Variants in PPFIBP2 observed in about 807,000 individuals in gnomAD.
The protein encoded by PPFIBP2 is liprin-beta-2.
PPFIBP2 carries 118 observed loss-of-function variants against 118.3 expected under a neutral mutation model. That is an observed-to-expected ratio of 1.00 (90% CI 0.86 to 1.16). PPFIBP2 has a LOEUF of 1.16. Among genes scored for constraint, PPFIBP2 ranks in the 50% most tolerant of loss-of-function variants. The probability of loss-of-function intolerance (pLI) is 0.00; values close to 1 mark genes in which losing one functional copy is unlikely to be tolerated. For synonymous variants in PPFIBP2, 414 were observed against 397.4 expected, an observed-to-expected ratio of 1.04 and a Z score of -0.50; for missense variants, 1,195 against 1,073.1, an observed-to-expected ratio of 1.11 and a Z score of -1.59.
chr11:7,630,963 C>T lies in PPFIBP2; in HGVS notation c.1003C>T (p.Pro335Ser). 1 of 1,614,050 alleles carries T rather than the reference C, an allele frequency of 6.2e-7. No individual in the cohort carries two copies. Among genetic ancestry groups the T allele is most frequent in the Non-Finnish European group, 8.5e-7 (1 of 1,179,970 alleles). The change falls in exon 11 of 24, where the codon CCG becomes TCG. Residue 335 changes from proline (P) to serine (S), a missense_variant. Pro to Ser is a moderately conservative substitution (Grantham distance 74, BLOSUM62 -1). Transcript: ENST00000299492. ...ERTLSINEEEPEGGFSKWNAT... is the reference protein window; with the variant it reads ...ERTLSINEEESEGGFSKWNAT... ...AACTCTCTCAATCAATGAAGAAGAACCGGAGGGAGGTTTCAGCAAGTGGAA... is the reference window on the plus strand; with the variant it reads ...AACTCTCTCAATCAATGAAGAAGAATCGGAGGGAGGTTTCAGCAAGTGGAA...
intron 3 of PPFIBP2, among the ~76,000 whole-genome samples, chr11:7,573,290 G>A (rs1040627891): frequency 2.0e-5 from 3 of 152,154 alleles, no homozygotes; most frequent in Admixed American, 6.5e-5. Flanking sequence ...CTAACCCAGG[G>A]ATTAGCAAAC....
chr11:7,551,120 G>A (rs1034973047), intron 2 of PPFIBP2, among the ~76,000 whole-genome samples: 2 of 152,012 alleles, frequency 1.3e-5, no homozygotes, highest in Non-Finnish European at 2.9e-5. Context: ...CTAGGTTAGG[G>A]TCTCTGATGC....
chr11:7,613,197 G>A (rs1848269799), intron 6 of PPFIBP2, among the ~76,000 whole-genome samples: 1 of 152,160 alleles, frequency 6.6e-6, no homozygotes, highest in Non-Finnish European at 1.5e-5. Context: ...ATGAAAAGAA[G>A]AGAATGCTTG....
intron 11 of PPFIBP2, 47 bp from the exon 12 acceptor site, chr11:7,632,820 C>A: frequency 2.0e-6 from 3 of 1,483,700 alleles, no homozygotes; most frequent in South Asian, 2.3e-5. Flanking sequence ...GGTGGGTGGT[C>A]CCCAAACAGA....
chr11:7,553,755 T>C (rs1853263642), intron 2 of PPFIBP2, among the ~76,000 whole-genome samples: 1 of 152,226 alleles, frequency 6.6e-6, no homozygotes, highest in Admixed American at 6.5e-5. Flanking sequence ...GTTTTATTGA[T>C]ATTAGTATTA....
chr11:7,597,380 A>C (rs1179539109), intron 4 of PPFIBP2, 180 bp from the exon 5 acceptor site: 20 of 1,536,646 alleles, frequency 1.3e-5, no homozygotes, highest in Non-Finnish European at 1.7e-5. Flanking sequence ...TAAGGTAAGA[A>C]TCTAACTGCA....
At chr11:7,561,377 T>G (rs1389789404) in intron 2 of PPFIBP2, among the ~76,000 whole-genome samples, 1 of 152,206 alleles carries the variant, frequency 6.6e-6, no homozygotes, top group African/African-American at 2.4e-5. Flanking sequence ...ACAAGTAGGT[T>G]TTTCAGGCTA....
At chr11:7,659,124 G>A (rs1421107978), downstream of PPFIBP2, among the ~76,000 whole-genome samples, 1 of 148,934 alleles carries the variant, frequency 6.7e-6, no homozygotes, top group African/African-American at 2.5e-5. Flanking sequence ...GTTTCCTTTT[G>A]CTGTGCAGAA....
rs1418947180 is a variant in PPFIBP2, at chr11:7,612,532, CA to C, written c.618+2112del. Among the ~76,000 whole-genome samples, 64 of 152,268 alleles carry C rather than the reference CA, an allele frequency of 4.2e-4. 1 individual carries two copies. Among genetic ancestry groups the C allele is most frequent in the African/African-American group, 1.5e-3 (62 of 41,476 alleles). On this transcript the variant is annotated intron_variant, in intron 6 of 23. Transcript: ENST00000299492. ...GGAAGGAGAGCTCCCACTTCTGGGA[CA>C]AGAAGCACTAATGCAGTCATTTTAC...
chr11:7,662,787 A>C, the PPFIBP2 span, among the ~76,000 whole-genome samples: 1 of 151,818 alleles, frequency 6.6e-6, no homozygotes, highest in African/African-American at 2.4e-5. Flanking sequence ...AGGTCCACCA[A>C]TCAGACATAG....
chr11:7,616,990 A>C lies in PPFIBP2; in HGVS notation c.619-3945A>C, dbSNP rs1200357008. ...AAGTGGAGGGCCGTCGACAGTGACC[A>C]CTGAGTGCCACCTGCTCCCTGCCCC... On this transcript the variant is annotated intron_variant, in intron 6 of 23. Transcript: ENST00000299492. This position sits in a 1 kb window ranked among gnomAD's most constrained non-coding sequence, Gnocchi z 5.2. 2.7e-6 allele frequency: 1 copy of C among 366,296 alleles called. No homozygotes were observed. The highest frequency in any genetic ancestry group is 3.8e-6 in the Non-Finnish European group (1 of 264,302). The allele number at this position is 366,296 out of a possible 1,614,324, so 22.7% of individuals were successfully genotyped here. A position where few individuals can be genotyped will look rare whatever the true frequency, so the allele number is the denominator to read the frequency against.
intron 5 of PPFIBP2, among the ~76,000 whole-genome samples, chr11:7,605,458 C>G (rs1590534606): frequency 2.0e-5 from 3 of 152,298 alleles, no homozygotes; most frequent in Non-Finnish European, 1.5e-5. Context: ...GGAAGATCAG[C>G]TGTAATTAGA....
At chr11:7,654,413 A>T (rs981120520), downstream of PPFIBP2, among the ~76,000 whole-genome samples, 6 of 152,224 alleles carry the variant, frequency 3.9e-5, no homozygotes, top group African/African-American at 1.2e-4. Flanking sequence ...ATCGCAGAAG[A>T]GTAACACCAC....
At chr11:7,574,432 C>T (rs1161771764) in intron 3 of PPFIBP2, among the ~76,000 whole-genome samples, 1 of 152,348 alleles carries the variant, frequency 6.6e-6, no homozygotes, top group Admixed American at 6.5e-5. Flanking sequence ...TTGGGAGTAA[C>T]TACCTCGGCC....
At chr11:7,552,756 C>T (rs1367387685) in intron 2 of PPFIBP2, among the ~76,000 whole-genome samples, 1 of 151,932 alleles carries the variant, frequency 6.6e-6, no homozygotes, top group South Asian at 2.1e-4. Context: ...ATGAGCTTGC[C>T]CCCCCCTCTC....
intron 9 of PPFIBP2, among the ~76,000 whole-genome samples, chr11:7,629,001 C>T (rs1850395357): frequency 6.6e-6 from 1 of 152,138 alleles, no homozygotes; most frequent in Non-Finnish European, 1.5e-5. Context: ...AAGGCCTTTG[C>T]CTTGAAAGAA....
intron 1 of PPFIBP2, among the ~76,000 whole-genome samples, chr11:7,524,398 G>C (rs1158255496): frequency 6.6e-6 from 1 of 152,192 alleles, no homozygotes. Flanking sequence ...CATGGAGGCA[G>C]TGGAGGTGTA....
intron 2 of PPFIBP2, among the ~76,000 whole-genome samples, chr11:7,556,100 CATATA>C (rs1853583207): frequency 6.6e-6 from 1 of 152,104 alleles, no homozygotes; most frequent in East Asian, 1.9e-4. Context: ...ATAGAATTAA[CATATA>C]AAAGCATTTG....
the PPFIBP2 span, chr11:7,666,482 G>T: frequency 1.2e-6 from 2 of 1,613,122 alleles, no homozygotes; most frequent in African/African-American, 1.3e-5. Context: ...TGTACCACAG[G>T]TTGAACTGGT....
Sources: gnomAD v4.1 joint callset for allele counts (sites outside exome capture counted in the v4.1 genomes callset) on GRCh38, gnomAD v4.1.1 for gene constraint, Gnocchi (gnomAD v3.1) non-coding constraint, MANE v1.5 for transcripts, NCBI Gene and HGNC (gene_info 2026-07-23, HGNC 2026-07-21) for gene names.